VIPR2: variants seen among roughly 807,000 people sequenced by gnomAD.
VIPR2 encodes vasoactive intestinal polypeptide receptor 2.
Under a neutral mutation model 58.0 loss-of-function variants are expected in VIPR2, and 48 were observed. The observed-to-expected ratio is 0.83, with a 90% confidence interval of 0.66 to 1.05. VIPR2 has a LOEUF of 1.05. Among genes scored for constraint, VIPR2 ranks in the 50% least tolerant of loss-of-function variants. The probability of loss-of-function intolerance (pLI) is 0.00; values close to 1 mark genes in which losing one functional copy is unlikely to be tolerated. For missense variants in VIPR2, 534 were observed against 558.0 expected (o/e 0.96, Z 0.43); for synonymous variants, 243 against 235.2 (o/e 1.03, Z -0.30).
In VIPR2 at chr7:159,031,756, G is replaced by A; in HGVS notation, c.1143+72C>T. Reference sequence around the variant, plus strand: ...AAGACAGGCATGTGTGGGGGCTGCGGCACCAGGCTGGGCAGCATCTCAGGA... The same window carrying A: ...AAGACAGGCATGTGTGGGGGCTGCGACACCAGGCTGGGCAGCATCTCAGGA... On this transcript the variant is annotated intron_variant, in intron 12 of 12. Coordinates refer to ENST00000262178, the MANE Select transcript of VIPR2 (RefSeq NM_003382.5). This position sits in a 1 kb window ranked among gnomAD's most constrained non-coding sequence, Gnocchi z 4.0. The A allele has an allele frequency of 6.2e-7, 1 of 1,611,100 alleles. No individual in the cohort carries two copies. Among genetic ancestry groups the A allele is most frequent in the Non-Finnish European group, 8.5e-7 (1 of 1,179,540 alleles).
rs371242417 is a variant in VIPR2 at position 159,031,950 on chromosome 7, G to A, written c.1089C>T (p.Leu363=). 4 of 1,614,030 alleles carry A rather than the reference G, an allele frequency of 2.5e-6. No individual in the cohort carries two copies. Among genetic ancestry groups the A allele is most frequent in the Non-Finnish European group, 3.4e-6 (4 of 1,180,042 alleles). Reference sequence around the variant, plus strand: ...TCCGCACACCTACCTGGAACGACCCGAGGCACAGCTCAAACAGTATCTGGT... The same window carrying A: ...TCCGCACACCTACCTGGAACGACCCAAGGCACAGCTCAAACAGTATCTGGT... ...SKYQILFELC[L]GSFQGLVVAV... The change falls in exon 11 of 13, where the codon CTC becomes CTT. Residue 363 remains leucine (L), a synonymous_variant. Transcript: ENST00000262178. This position sits in a 1 kb window ranked among gnomAD's most constrained non-coding sequence, Gnocchi z 4.0.
At chr7:159,102,047 G>A (rs56204557) in intron 4 of VIPR2, among the ~76,000 whole-genome samples, 4 of 70,118 alleles carry the variant, frequency 5.7e-5, no homozygotes, top group South Asian at 1.0e-3. Context: ...GATAGTGAAC[G>A]GGTCTCACGA....
At chr7:159,119,374 C>T (rs891992757) in intron 2 of VIPR2, among the ~76,000 whole-genome samples, 2 of 152,202 alleles carry the variant, frequency 1.3e-5, no homozygotes, top group East Asian at 1.9e-4. Flanking sequence ...GGGGCCTCGA[C>T]TGCAGGGTGG....
chr7:159,033,369 G>A (rs1853707707), intron 10 of VIPR2, among the ~76,000 whole-genome samples: 1 of 152,208 alleles, frequency 6.6e-6, no homozygotes, highest in Admixed American at 6.5e-5. Context: ...ACAGCTCTGT[G>A]CACAGCCGCC....
intron 5 of VIPR2, among the ~76,000 whole-genome samples, chr7:159,049,483 G>A (rs1176556243): frequency 6.6e-6 from 1 of 152,312 alleles, no homozygotes; most frequent in South Asian, 2.1e-4. Flanking sequence ...GGCACAGAGG[G>A]TGTTCAGAAA....
chr7:159,084,832 G>A (rs960350267), intron 4 of VIPR2, among the ~76,000 whole-genome samples: 3 of 152,184 alleles, frequency 2.0e-5, no homozygotes, highest in African/African-American at 4.8e-5. Context: ...CTTAGAAGTC[G>A]AAGGCTGGAG....
chr7:159,106,315 A>T (rs574755690), intron 3 of VIPR2, among the ~76,000 whole-genome samples: 32 of 152,300 alleles, frequency 2.1e-4, no homozygotes, highest in African/African-American at 7.0e-4. Context: ...ATCCTTTCTG[A>T]CTTCTCACTC....
chr7:159,043,252 G>T, intron 5 of VIPR2, 76 bp from the exon 6 acceptor site: 1 of 1,340,028 alleles, frequency 7.5e-7, no homozygotes. Context: ...ACAGAGATGA[G>T]AAACTCATAC....
chr7:159,061,194 T>G (rs1405772945), intron 4 of VIPR2, among the ~76,000 whole-genome samples: 3 of 151,286 alleles, frequency 2.0e-5, no homozygotes, highest in African/African-American at 7.3e-5. Flanking sequence ...GGAGGAGAAA[T>G]GGAGGGAGAA....
chr7:159,095,465 A>T lies in VIPR2; in HGVS notation c.357+8292T>A, dbSNP rs1479254134. Among the ~76,000 whole-genome samples the T allele has an allele frequency of 7.2e-5, 11 of 152,242 alleles. No individual in the cohort carries two copies. The highest frequency in any genetic ancestry group is 7.2e-4 in the Admixed American group (11 of 15,282). On this transcript the variant is annotated intron_variant, in intron 4 of 12. Coordinates refer to ENST00000262178, the MANE Select transcript of VIPR2 (RefSeq NM_003382.5). This position sits in a 1 kb window ranked among gnomAD's most constrained non-coding sequence, Gnocchi z 5.2. Reference sequence around the variant, plus strand: ...AAAGATACAGCAGAGAGAATGTGACAACTGAGTTTCCTCTTTGTACTGACA... The same window carrying T: ...AAAGATACAGCAGAGAGAATGTGACTACTGAGTTTCCTCTTTGTACTGACA...
intron 3 of VIPR2, among the ~76,000 whole-genome samples, chr7:159,104,716 C>CCGA (rs1387066556): frequency 6.6e-6 from 1 of 151,230 alleles, no homozygotes; most frequent in African/African-American, 2.4e-5. Context: ...GCCCTCACCA[C>CCGA]CGACGGTGAC....
At chr7:159,129,327 C>T (rs1399318275) in intron 2 of VIPR2, among the ~76,000 whole-genome samples, 1 of 133,258 alleles carries the variant, frequency 7.5e-6, no homozygotes, top group East Asian at 2.3e-4. Flanking sequence ...TTCCCTCAAA[C>T]TGGACTCTGG....
rs1025363344 is a variant in VIPR2, at chr7:159,042,896, G to A, written c.597+139C>T. On this transcript the variant is annotated intron_variant, in intron 6 of 12. Coordinates refer to ENST00000262178, the MANE Select transcript of VIPR2 (RefSeq NM_003382.5). ...GGCCTGTTCTGGCCCCAGCCTCTCTGCCAGGCTCTCTGTTTCTCAGCCATG... is the reference window on the plus strand; with the variant it reads ...GGCCTGTTCTGGCCCCAGCCTCTCTACCAGGCTCTCTGTTTCTCAGCCATG... 15 of 1,225,310 alleles carry A rather than the reference G, an allele frequency of 1.2e-5. No individual in the cohort carries two copies. The South Asian group carries it at 1.9e-4, about 16-fold the overall frequency. The allele number at this position is 1,225,310 out of a possible 1,614,324, so 75.9% of individuals were successfully genotyped here.
At position 159,031,740 on chromosome 7, in the gene VIPR2, A is replaced by G; in HGVS notation, c.1143+88T>C. On this transcript the variant is annotated intron_variant, in intron 12 of 12. Transcript: ENST00000262178. This position sits in a 1 kb window ranked among gnomAD's most constrained non-coding sequence, Gnocchi z 4.0. ...TAACTCGAGCCCGCGGAAGACAGGCATGTGTGGGGGCTGCGGCACCAGGCT... is the reference window on the plus strand; with the variant it reads ...TAACTCGAGCCCGCGGAAGACAGGCGTGTGTGGGGGCTGCGGCACCAGGCT... 3 of 1,607,632 alleles carry G rather than the reference A, an allele frequency of 1.9e-6. No individual in the cohort carries two copies. The highest frequency in any genetic ancestry group is 2.5e-6 in the Non-Finnish European group (3 of 1,178,386).
intron 4 of VIPR2, among the ~76,000 whole-genome samples, chr7:159,061,736 G>A (rs889710817): frequency 6.6e-6 from 1 of 152,190 alleles, no homozygotes; most frequent in African/African-American, 2.4e-5. Flanking sequence ...TTTACTGGGC[G>A]CCCACCAGGG....
At chr7:159,086,311 T>G (rs1046241245) in intron 4 of VIPR2, among the ~76,000 whole-genome samples, 1 of 152,216 alleles carries the variant, frequency 6.6e-6, no homozygotes. Context: ...CTTGACTTGT[T>G]TTGCCCATGG....
At chr7:159,043,311 G>A in intron 5 of VIPR2, 135 bp from the exon 6 acceptor site, 1 of 754,330 alleles carries the variant, frequency 1.3e-6, no homozygotes. Context: ...GCATGAAGCA[G>A]ATTTCACCAT....
intron 1 of VIPR2, among the ~76,000 whole-genome samples, chr7:159,143,350 C>A (rs898208708): frequency 6.6e-6 from 1 of 152,124 alleles, no homozygotes; most frequent in Non-Finnish European, 1.5e-5. Context: ...CCCACCCATC[C>A]TTTTGGTCTT....
intron 2 of VIPR2, among the ~76,000 whole-genome samples, chr7:159,132,908 GCAT>G: frequency 2.2e-5 from 3 of 138,472 alleles, no homozygotes; most frequent in Admixed American, 7.3e-5. Flanking sequence ...AGAATGATTG[GCAT>G]ACAGATTGAT....
Sources: gnomAD v4.1 joint callset for allele counts (sites outside exome capture counted in the v4.1 genomes callset) on GRCh38, gnomAD v4.1.1 for gene constraint, Gnocchi (gnomAD v3.1) non-coding constraint, MANE v1.5 for transcripts, NCBI Gene and HGNC (gene_info 2026-07-23, HGNC 2026-07-21) for gene names.